The following DCC variants were observed in gnomAD, a reference collection of about 807,000 sequenced individuals.
DCC encodes DCC netrin 1 receptor, also known as netrin receptor DCC.
A neutral mutation model predicts 172.5 loss-of-function variants in DCC; 58 were observed. The observed-to-expected ratio is 0.34, with a 90% CI of 0.27 to 0.42. DCC has a LOEUF of 0.42. Among genes scored for constraint, DCC ranks in the 10% least tolerant of loss-of-function variants. The pLI, the probability that DCC is intolerant of heterozygous loss-of-function variation, is 1.00. For synonymous variants in DCC, 709 were observed against 644.5 expected, an observed-to-expected ratio of 1.10 and a Z score of -1.52; for missense variants, 1,740 against 1,791.0, an observed-to-expected ratio of 0.97 and a Z score of 0.51.
intron 5 of DCC, among the ~76,000 whole-genome samples, chr18:53,052,229 A>G (rs917195128): frequency 6.6e-6 from 1 of 151,878 alleles, no homozygotes; most frequent in Non-Finnish European, 1.5e-5. Flanking sequence ...CTGTTGTTTT[A>G]TCCTCCAGTC....
At chr18:53,266,030 T>A (rs1390268087) in intron 12 of DCC, among the ~76,000 whole-genome samples, 1 of 152,206 alleles carries the variant, frequency 6.6e-6, no homozygotes, top group Non-Finnish European at 1.5e-5. Context: ...TTTCTCCCTC[T>A]GGGCCTTGTT....
intron 21 of DCC, among the ~76,000 whole-genome samples, chr18:53,425,447 C>T (rs1221719961): frequency 6.8e-6 from 1 of 146,238 alleles, no homozygotes; most frequent in Non-Finnish European, 1.5e-5. Flanking sequence ...GCAATCTCTG[C>T]CTCCTGGGTT....
chr18:52,740,526 CG>C (rs1284825774), intron 1 of DCC, among the ~76,000 whole-genome samples: 1 of 152,156 alleles, frequency 6.6e-6, no homozygotes, highest in East Asian at 1.9e-4. Context: ...CCACATCAGA[CG>C]TTATGCCACA....
At chr18:53,172,567 A>G (rs1402143004) in intron 8 of DCC, among the ~76,000 whole-genome samples, 1 of 152,188 alleles carries the variant, frequency 6.6e-6, no homozygotes, top group East Asian at 1.9e-4. Flanking sequence ...TTTATTTAGT[A>G]TTTGTAAGAA....
chr18:53,403,073 TGCACACAC>T (rs1477376011), intron 19 of DCC, among the ~76,000 whole-genome samples, 180 bp downstream of exon 19: 2 of 99,062 alleles, frequency 2.0e-5, no homozygotes, highest in Non-Finnish European at 4.2e-5. Flanking sequence ...CTTCTAATGG[TGCACACAC>T]ACACACACAC....
At chr18:53,131,984 T>TTTA (rs2043663298) in intron 7 of DCC, among the ~76,000 whole-genome samples, 3 of 112,386 alleles carry the variant, frequency 2.7e-5, no homozygotes, top group Admixed American at 1.1e-4. Context: ...TTTTTTTTTT[T>TTTA]AGCTATATTA....
At chr18:53,506,495 GTTTATT>G (rs1158418226) in intron 27 of DCC, among the ~76,000 whole-genome samples, 2 of 152,110 alleles carry the variant, frequency 1.3e-5, no homozygotes, top group Non-Finnish European at 2.9e-5. Context: ...AAATTCAGTG[GTTTATT>G]TTTATGAAAA....
chr18:52,691,959 T>G (rs2035936513), intron 1 of DCC, among the ~76,000 whole-genome samples: 1 of 152,188 alleles, frequency 6.6e-6, no homozygotes, highest in Non-Finnish European at 1.5e-5. Flanking sequence ...AGTATTCCCC[T>G]AAATAACTTG....
At chr18:52,782,078 G>A (rs745853644) in intron 2 of DCC, among the ~76,000 whole-genome samples, 11 of 152,084 alleles carry the variant, frequency 7.2e-5, no homozygotes, top group Non-Finnish European at 1.3e-4. Flanking sequence ...ATACAATTGA[G>A]TAGAACTAAG....
intron 24 of DCC, among the ~76,000 whole-genome samples, chr18:53,466,688 G>C (rs995126859): frequency 6.6e-6 from 1 of 152,086 alleles, no homozygotes; most frequent in African/African-American, 2.4e-5. Context: ...ACCACACCCA[G>C]CTAATTTTTG....
intron 3 of DCC, among the ~76,000 whole-genome samples, chr18:52,907,241 C>CATACATACATGATATGTCATGG (rs2039897484): frequency 9.7e-6 from 1 of 102,656 alleles, no homozygotes; most frequent in Admixed American, 1.1e-4. Context: ...TGATAGATAT[C>CATACATACATGATATGTCATGG]ATATATACAT....
intron 1 of DCC, among the ~76,000 whole-genome samples, chr18:52,708,009 T>C (rs2044035495): frequency 6.6e-6 from 1 of 152,218 alleles, no homozygotes; most frequent in African/African-American, 2.4e-5. Context: ...TTTAAGTGTT[T>C]TCACCACAAA....
chr18:52,807,379 G>C (rs2038107785), intron 2 of DCC, among the ~76,000 whole-genome samples: 2 of 152,170 alleles, frequency 1.3e-5, no homozygotes, highest in South Asian at 2.1e-4. Flanking sequence ...CATGTGAACT[G>C]TATGGTTCAC....
At chr18:52,638,742 C>A (rs982197564) in intron 1 of DCC, among the ~76,000 whole-genome samples, 2 of 151,996 alleles carry the variant, frequency 1.3e-5, no homozygotes. Flanking sequence ...AGATAGACAG[C>A]AACACAGTAA....
intron 2 of DCC, among the ~76,000 whole-genome samples, chr18:52,832,102 A>G (rs2038625328): frequency 2.0e-5 from 3 of 152,166 alleles, no homozygotes. Flanking sequence ...CAGCATGATC[A>G]TTTCGGGAGG....
chr18:53,508,320 G>A (rs560296030), intron 27 of DCC, among the ~76,000 whole-genome samples: 27 of 152,136 alleles, frequency 1.8e-4, no homozygotes, highest in Admixed American at 1.4e-3. Flanking sequence ...AGCTTCCCGA[G>A]TAACTGGGAC....
At chr18:52,909,074 T>G (rs981764244) in intron 3 of DCC, among the ~76,000 whole-genome samples, 10 of 152,048 alleles carry the variant, frequency 6.6e-5, no homozygotes, top group African/African-American at 1.7e-4. Context: ...AGTACAAGAT[T>G]GAGTGAGTGC....
intron 15 of DCC, among the ~76,000 whole-genome samples, chr18:53,362,544 G>C (rs147061751): frequency 1.3e-4 from 20 of 152,204 alleles, no homozygotes; most frequent in African/African-American, 3.6e-4. Context: ...AAAAAGTGTA[G>C]GAAGAGAAAA....
At chr18:52,399,822 A>G (rs536616038) in intron 1 of DCC, among the ~76,000 whole-genome samples, 2 of 152,110 alleles carry the variant, frequency 1.3e-5, no homozygotes, top group South Asian at 4.1e-4. Context: ...AACCTGTCTT[A>G]TTCTTATTAA....
Sources: gnomAD v4.1 joint callset for allele counts (sites outside exome capture counted in the v4.1 genomes callset) on GRCh38, gnomAD v4.1.1 for gene constraint, MANE v1.5 for transcripts, NCBI Gene and HGNC (gene_info 2026-07-23, HGNC 2026-07-21) for gene names.